SAXO1: variants seen among roughly 807,000 people sequenced by gnomAD.
SAXO1 encodes the protein 4930500O09Rik.
A neutral mutation model predicts 17.5 loss-of-function variants in SAXO1; 21 were observed. The ratio of observed to expected loss-of-function variants is 1.20; its 90% CI spans 0.85 to 1.72. SAXO1 has a LOEUF of 1.72. SAXO1 is among the 40% of genes most tolerant of loss of function. The pLI is 0.00. For synonymous variants in SAXO1, 274 were observed against 216.5 expected, an observed-to-expected ratio of 1.27 and a Z score of -2.33; for missense variants, 843 against 596.0, an observed-to-expected ratio of 1.41 and a Z score of -4.32.
intron 1 of SAXO1, among the ~76,000 whole-genome samples, chr9:18,969,678 T>C (rs1832871112): frequency 6.6e-6 from 1 of 152,024 alleles, no homozygotes; most frequent in African/African-American, 2.4e-5. Flanking sequence ...CTAAGCACAA[T>C]GCCTGGAACA....
chr9:18,942,249 G>A (rs968850280), intron 2 of SAXO1, among the ~76,000 whole-genome samples: 2 of 152,126 alleles, frequency 1.3e-5, no homozygotes, highest in African/African-American at 4.8e-5. Flanking sequence ...GAAATCAGAT[G>A]GCTTTCCCCA....
chr9:18,932,716 G>T (rs146691968), intron 3 of SAXO1, among the ~76,000 whole-genome samples: 1 of 152,110 alleles, frequency 6.6e-6, no homozygotes, highest in Non-Finnish European at 1.5e-5. Context: ...CCCAGCAATC[G>T]TTGGTAGCTT....
chr9:18,940,051 C>T (rs866511857), intron 3 of SAXO1, among the ~76,000 whole-genome samples: 3 of 152,138 alleles, frequency 2.0e-5, no homozygotes, highest in Non-Finnish European at 2.9e-5. Flanking sequence ...GAGGGACTCT[C>T]GGCTATCAGT....
At chr9:19,015,275 C>T (rs923405785) in intron 1 of SAXO1, among the ~76,000 whole-genome samples, 4 of 152,208 alleles carry the variant, frequency 2.6e-5, no homozygotes, top group African/African-American at 9.6e-5. Flanking sequence ...CAGCAATCCT[C>T]ATGCCACAGC....
intron 1 of SAXO1, among the ~76,000 whole-genome samples, chr9:18,992,281 G>A (rs956113763): frequency 1.3e-5 from 2 of 152,204 alleles, no homozygotes; most frequent in Non-Finnish European, 2.9e-5. Context: ...TGCTGTGGGT[G>A]AAATTCTGCT....
chr9:18,956,109 AAT>A (rs1832248176), intron 1 of SAXO1, among the ~76,000 whole-genome samples: 1 of 68,160 alleles, frequency 1.5e-5, no homozygotes, highest in African/African-American at 4.1e-5. Context: ...CAACCTGGCT[AAT>A]TTTTTTTTTT....
chr9:19,028,755 AT>A (rs938526586), intron 1 of SAXO1, among the ~76,000 whole-genome samples: 46 of 149,460 alleles, frequency 3.1e-4, no homozygotes, highest in Admixed American at 1.0e-3. Context: ...AATATGTCTG[AT>A]TTTTTTTTTA....
Position 19,005,035 on chromosome 9 carries a change from A to C in SAXO1, c.38+27836T>G, listed in dbSNP as rs535106579. Among the ~76,000 whole-genome samples, 460 of 152,286 alleles carry C rather than the reference A, an allele frequency of 3.0e-3. 8 individuals carry two copies. In the South Asian group the frequency reaches 0.044, roughly 15 times the overall value. On this transcript the variant is annotated intron_variant, in intron 1 of 3. Coordinates refer to ENST00000380534, the MANE Select transcript of SAXO1 (RefSeq NM_153707.4). Reference sequence around the variant, plus strand: ...GAAAATAAACAATTTCATTTACAATAATGTCAAAAAGAATGGAACACTTAG... The same window carrying C: ...GAAAATAAACAATTTCATTTACAATCATGTCAAAAAGAATGGAACACTTAG...
intron 1 of SAXO1, among the ~76,000 whole-genome samples, chr9:19,013,824 GGT>G (rs1834854303): frequency 1.3e-5 from 2 of 152,120 alleles, no homozygotes; most frequent in African/African-American, 2.4e-5. Flanking sequence ...TAGGATTACA[GGT>G]GTGAGGCGCC....
chr9:18,987,225 C>T (rs146518334), intron 1 of SAXO1, among the ~76,000 whole-genome samples: 3 of 152,276 alleles, frequency 2.0e-5, no homozygotes, highest in Non-Finnish European at 4.4e-5. Flanking sequence ...CAGAGAAGAA[C>T]TGGGAAACTT....
Position 18,928,836 on chromosome 9 carries a change from T to G in SAXO1, c.641A>C (p.His214Pro). 5.6e-6 allele frequency: 9 copies of G among 1,614,088 alleles called. No individual in the cohort carries two copies. Among genetic ancestry groups the G allele is most frequent in the Non-Finnish European group, 7.6e-6 (9 of 1,180,028 alleles). ...ATGCACAAAGCGCTTCTCCACGGGG[T>G]GGGCCACATAGCTCATCTTGTAGTT... The part of the protein sequence containing the change: ...VTNYKMSYVA[H>P]PVEKRFVHEA... The change falls in exon 4 of 4, where the codon CAC becomes CCC. Residue 214 changes from histidine (H) to proline (P), a missense_variant. Transcript: ENST00000380534.
chr9:19,012,654 C>T (rs1834797844), intron 1 of SAXO1, among the ~76,000 whole-genome samples: 1 of 152,200 alleles, frequency 6.6e-6, no homozygotes, highest in Non-Finnish European at 1.5e-5. Context: ...TCAGAACGTG[C>T]AAATGGCAGC....
chr9:18,928,085 G>T lies in SAXO1; in HGVS notation c.1392C>A (p.Asn464Lys), dbSNP rs35562117. 4.7e-3 allele frequency: 7,534 copies of T among 1,610,370 alleles called. 217 individuals carry two copies. The African/African-American group carries it at 0.072, about 15-fold the overall frequency. ...SSHLSVDDSE[N>K]PNQRELEVLA ...ACACTTCCAACTCCCTCTGGTTGGG[G>T]TTTTCTGAATCATCTACAGAAAGAT... Residue 464 changes from asparagine (N) to lysine (K), a missense_variant, in exon 4 of 4, where the codon AAC becomes AAA. Transcript: ENST00000380534.
At chr9:18,935,172 G>A (rs1046717828) in intron 3 of SAXO1, among the ~76,000 whole-genome samples, 12 of 151,986 alleles carry the variant, frequency 7.9e-5, no homozygotes, top group African/African-American at 2.2e-4. Flanking sequence ...CCTGGGCCTC[G>A]CAAAGTGCTA....
At chr9:18,945,231 C>T (rs1339506609) in intron 2 of SAXO1, among the ~76,000 whole-genome samples, 1 of 152,122 alleles carries the variant, frequency 6.6e-6, no homozygotes, top group Non-Finnish European at 1.5e-5. Context: ...GATCTGATTC[C>T]CCTCACTCCT....
At chr9:18,971,397 TGTCTCTAC>T (rs1289820254) in intron 1 of SAXO1, among the ~76,000 whole-genome samples, 2 of 152,136 alleles carry the variant, frequency 1.3e-5, no homozygotes, top group African/African-American at 4.8e-5. Flanking sequence ...CTATATTTTC[TGTCTCTAC>T]GGAGCTTTTC....
chr9:18,948,456 G>A (rs1173638110), intron 2 of SAXO1, among the ~76,000 whole-genome samples: 7 of 152,066 alleles, frequency 4.6e-5, no homozygotes, highest in African/African-American at 2.4e-5. Flanking sequence ...GGAAATTCTT[G>A]CAGAATCTGC....
chr9:18,992,339 G>T (rs1424071189), intron 1 of SAXO1, among the ~76,000 whole-genome samples: 2 of 152,220 alleles, frequency 1.3e-5, no homozygotes, highest in Non-Finnish European at 2.9e-5. Flanking sequence ...TCCTTGGCTT[G>T]TAGCTGGGAT....
chr9:18,933,862 T>A (rs111472533), intron 3 of SAXO1, among the ~76,000 whole-genome samples: 2 of 152,168 alleles, frequency 1.3e-5, no homozygotes, highest in South Asian at 2.1e-4. Context: ...CTGGCCAACA[T>A]GGTGAAACCC....
Sources: gnomAD v4.1 joint callset for allele counts (sites outside exome capture counted in the v4.1 genomes callset) on GRCh38, gnomAD v4.1.1 for gene constraint, MANE v1.5 for transcripts, NCBI Gene and HGNC (gene_info 2026-07-23, HGNC 2026-07-21) for gene names.